GPHN: variants seen among roughly 807,000 people sequenced by gnomAD.
The protein encoded by GPHN is gephyrin.
Under a neutral mutation model 95.5 loss-of-function variants are expected in GPHN, and 17 were observed. The ratio of observed to expected loss-of-function variants is 0.18; its 90% CI spans 0.12 to 0.27. The LOEUF is 0.27. GPHN is among the 10% of genes least tolerant of loss of function. The pLI, the probability that GPHN is intolerant of heterozygous loss-of-function variation, is 1.00. For missense variants in GPHN, 660 were observed against 978.1 expected (o/e 0.67, Z 4.34); for synonymous variants, 320 against 322.5 (o/e 0.99, Z 0.08).
the GPHN span, among the ~76,000 whole-genome samples, chr14:67,261,579 T>C: frequency 0.02 from 3,112 of 152,276 alleles, 105 homozygotes; most frequent in African/African-American, 0.071. Context: ...TGTCAAGTTA[T>C]GACATGTGGC....
At chr14:66,787,762 A>T (rs1007650873) in intron 3 of GPHN, among the ~76,000 whole-genome samples, 4 of 151,904 alleles carry the variant, frequency 2.6e-5, no homozygotes, top group African/African-American at 9.7e-5. Flanking sequence ...AGCAATTGGA[A>T]ATCAACAGGC....
At chr14:66,803,580 A>G (rs1398274816) in intron 3 of GPHN, among the ~76,000 whole-genome samples, 4 of 152,094 alleles carry the variant, frequency 2.6e-5, no homozygotes, top group Non-Finnish European at 4.4e-5. Context: ...CTTAGACATT[A>G]TTTTTGGTTA....
chr14:66,612,272 TTC>T (rs1167611189), intron 1 of GPHN, among the ~76,000 whole-genome samples: 1 of 151,946 alleles, frequency 6.6e-6, no homozygotes, highest in African/African-American at 2.4e-5. Context: ...TTCTTCTAAC[TTC>T]TTTTTAATTT....
chr14:67,331,722 G>A, the GPHN span, among the ~76,000 whole-genome samples: 4 of 152,132 alleles, frequency 2.6e-5, no homozygotes, highest in South Asian at 8.3e-4. Flanking sequence ...AAAACTAGGT[G>A]GATTCGGGCT....
At chr14:67,514,015 C>G in the GPHN span, among the ~76,000 whole-genome samples, 3 of 152,184 alleles carry the variant, frequency 2.0e-5, no homozygotes, top group Admixed American at 2.0e-4. Flanking sequence ...AGAGAGAAAC[C>G]CAGGCCTCTC....
the GPHN span, among the ~76,000 whole-genome samples, chr14:67,681,175 A>T: frequency 6.6e-6 from 1 of 152,246 alleles, no homozygotes; most frequent in Non-Finnish European, 1.5e-5. Flanking sequence ...GAGTGTGTGT[A>T]CATAGAGGAA....
the GPHN span, chr14:67,647,681 G>C: frequency 1.2e-5 from 2 of 168,988 alleles, no homozygotes; most frequent in African/African-American, 4.8e-5. Flanking sequence ...AATTTAAATT[G>C]TCTAATTAAA....
rs535584312 is a variant in GPHN at position 66,767,308 on chromosome 14, T to G, written c.144-9156T>G. Among the ~76,000 whole-genome samples the G allele has an allele frequency of 4.6e-5, 7 of 151,964 alleles. No homozygotes were observed. The South Asian group carries it at 1.5e-3, about 32-fold the overall frequency. ...TGTCCTTCCCCTGAATTTCTTTAAT[T>G]TTTACATTGCTAGTCACTAGCCCTG... On this transcript the variant is annotated intron_variant, in intron 2 of 22. Coordinates refer to ENST00000478722, the MANE Select transcript of GPHN (RefSeq NM_020806.5).
chr14:67,435,311 C>T, the GPHN span, among the ~76,000 whole-genome samples: 3 of 152,118 alleles, frequency 2.0e-5, no homozygotes, highest in East Asian at 1.9e-4. Flanking sequence ...CCATGATAGC[C>T]GGTTAGTCCG....
rs755750169 is a variant in GPHN, at chr14:66,824,610, C to A, written c.294+44C>A. ...TTTCATATTCAAGGATTAAACTAAT[C>A]ATGGTTTTTTTAATCCTTTTTACTA... On this transcript the variant is annotated intron_variant, in intron 4 of 22. Transcript: ENST00000478722. 8.9e-6 allele frequency: 8 copies of A among 901,304 alleles called. No homozygotes were observed. In the East Asian group the frequency reaches 1.5e-4, roughly 17 times the overall value. 55.8% of individuals were successfully genotyped at this position (901,304 alleles called of 1,614,324 possible). A position where few individuals can be genotyped will look rare whatever the true frequency, so the allele number is the denominator to read the frequency against.
rs141326794 is a variant in GPHN at position 66,980,123 on chromosome 14, A to G, written c.963+14798A>G. Among the ~76,000 whole-genome samples, 625 of 152,332 alleles carry G rather than the reference A, an allele frequency of 4.1e-3. 1 individual carries two copies. Among genetic ancestry groups the G allele is most frequent in the Non-Finnish European group, 5.1e-3 (348 of 68,028 alleles). On this transcript the variant is annotated intron_variant, in intron 9 of 22. Transcript: ENST00000478722. The stretch of plus-strand genomic sequence containing the variant: ...GATATAATCATAGTAAAAAGTTTGA[A>G]ATATTGTAAGAATTATCAAAATGTG...
At chr14:66,692,346 T>G (rs1207939692) in intron 2 of GPHN, among the ~76,000 whole-genome samples, 1 of 152,184 alleles carries the variant, frequency 6.6e-6, no homozygotes, top group East Asian at 1.9e-4. Flanking sequence ...CTAACATTTA[T>G]CAACTACCTG....
At position 67,115,775 on chromosome 14, in the gene GPHN, C is replaced by T. The variant is rs2026654; in HGVS notation, c.1626+2604C>T. 3.0e-3 allele frequency among the ~76,000 whole-genome samples: 450 copies of T among 152,156 alleles called. 3 individuals are homozygous for T. Among genetic ancestry groups the T allele is most frequent in the African/African-American group, 0.01 (432 of 41,536 alleles). On this transcript the variant is annotated intron_variant, in intron 16 of 22. Coordinates refer to ENST00000478722, the MANE Select transcript of GPHN (RefSeq NM_020806.5). ...ATATATATGGTTTCACATATGTCCA[C>T]TTCTTGAATCTCATATGACATATTG...
chr14:67,640,681 A>C, the GPHN span, among the ~76,000 whole-genome samples: 7 of 152,320 alleles, frequency 4.6e-5, no homozygotes, highest in African/African-American at 1.7e-4. Context: ...CCCTAAGAAT[A>C]TAATCTATGT....
At chr14:67,334,798 ATATACTTAGCAC>A in the GPHN span, 2 of 152,222 alleles carry the variant, frequency 1.3e-5, no homozygotes, top group Admixed American at 6.5e-5. Context: ...AAACTAAGGA[ATATACTTAGCAC>A]TTACTTAATC....
At chr14:67,439,545 CTTTCTTTCTTTCTT>C in the GPHN span, among the ~76,000 whole-genome samples, 18,275 of 137,946 alleles carry the variant, frequency 0.13, 1,414 homozygotes, top group African/African-American at 0.23. Context: ...TTCTTTCTTT[CTTTCTTTCTTTCTT>C]TCTTTCTTTC....
intron 8 of GPHN, 110 bp from the exon 9 acceptor site, chr14:66,965,081 C>T (rs2069227985): frequency 2.3e-6 from 2 of 876,292 alleles, no homozygotes; most frequent in South Asian, 2.7e-5. Context: ...GTAAGTGACA[C>T]CAAATATGTC....
intron 1 of GPHN, among the ~76,000 whole-genome samples, chr14:66,668,050 A>G (rs2066071715): frequency 6.6e-6 from 1 of 152,244 alleles, no homozygotes; most frequent in South Asian, 2.1e-4. Context: ...ATCACTGATC[A>G]TTAGAGAAAT....
At chr14:67,302,627 CT>C in the GPHN span, 1 of 1,261,414 alleles carries the variant, frequency 7.9e-7, no homozygotes, top group South Asian at 2.6e-5. Context: ...TCTTATTAGA[CT>C]TTAGAATAAA....
Sources: allele counts gnomAD v4.1 joint callset (sites outside exome capture counted in the v4.1 genomes callset), GRCh38; gene constraint gnomAD v4.1.1; transcripts MANE v1.5; gene names NCBI Gene and HGNC (gene_info 2026-07-23, HGNC 2026-07-21).